FREM2: variants seen among roughly 807,000 people sequenced by gnomAD.
FREM2 encodes the protein FRAS1 related extracellular matrix 2.
FREM2 carries 119 observed loss-of-function variants against 219.9 expected under a neutral mutation model. The ratio of observed to expected loss-of-function variants is 0.54; its 90% CI spans 0.47 to 0.63. FREM2 has a LOEUF of 0.63. Among genes scored for constraint, FREM2 ranks in the 30% least tolerant of loss-of-function variants. The probability of loss-of-function intolerance (pLI) is 0.00; values close to 1 mark genes in which losing one functional copy is unlikely to be tolerated. For synonymous variants in FREM2, 1,562 were observed against 1,522.8 expected, an observed-to-expected ratio of 1.03 and a Z score of -0.60; for missense variants, 4,030 against 3,993.6, an observed-to-expected ratio of 1.01 and a Z score of -0.25.
chr13:38,876,525 C>CT, intron 20 of FREM2, 143 bp downstream of exon 20: 1 of 751,760 alleles, frequency 1.3e-6, no homozygotes. Flanking sequence ...GTTAAGGAAG[C>CT]TAGGGATAAA....
At chr13:38,742,539 C>G (rs890164998) in intron 2 of FREM2, among the ~76,000 whole-genome samples, 1 of 152,156 alleles carries the variant, frequency 6.6e-6, no homozygotes, top group African/African-American at 2.4e-5. Flanking sequence ...ATATGACGGT[C>G]TCTGATACTC....
At chr13:38,731,524 G>A (rs1871766413) in intron 2 of FREM2, among the ~76,000 whole-genome samples, 1 of 152,142 alleles carries the variant, frequency 6.6e-6, no homozygotes, top group Admixed American at 6.6e-5. Flanking sequence ...GAGAAAGCAG[G>A]ACAGTAACCA....
At chr13:38,704,947 G>A (rs1170354378) in intron 2 of FREM2, among the ~76,000 whole-genome samples, 2 of 152,066 alleles carry the variant, frequency 1.3e-5, no homozygotes, top group African/African-American at 2.4e-5. Flanking sequence ...TGGGGGAACC[G>A]CCACCATGAT....
intron 2 of FREM2, among the ~76,000 whole-genome samples, chr13:38,716,904 A>G (rs1189297111): frequency 6.6e-6 from 1 of 152,226 alleles, no homozygotes; most frequent in African/African-American, 2.4e-5. Flanking sequence ...TTTGAGTGAG[A>G]TGTCCTTTTT....
rs1015702696 is a variant in FREM2 at position 38,882,953 on chromosome 13, G to A, written c.*2166G>A. 12 of 152,286 alleles carry A rather than the reference G, an allele frequency of 7.9e-5. No individual in the cohort carries two copies. Among genetic ancestry groups the A allele is most frequent in the African/African-American group, 2.9e-4 (12 of 41,572 alleles). The allele number at this position is 152,286 out of a possible 1,614,324, so 9.4% of individuals were successfully genotyped here. ...GGTGAAGCATTACTGTACGAAGTCTGTTTTCAGGCTTTGGGTCAAGCTGGT... is the reference window on the plus strand; with the variant it reads ...GGTGAAGCATTACTGTACGAAGTCTATTTTCAGGCTTTGGGTCAAGCTGGT... On this transcript the variant is annotated 3_prime_UTR_variant, in exon 24 of 24. Transcript: ENST00000280481.
rs1253522295 is a variant in FREM2, at chr13:38,691,456, C to T, written c.4112C>T (p.Thr1371Ile). 6.2e-7 allele frequency: 1 copy of T among 1,614,072 alleles called. No homozygotes were observed. The highest frequency in any genetic ancestry group is 8.5e-7 in the Non-Finnish European group (1 of 1,180,010). ...AATATCACACTGGGCATGAATTTTA[C>T]CCAGGATGAAGTAGACAGAAACTTA... ...FENITLGMNFTQDEVDRNLIQ... is the reference protein window; with the variant it reads ...FENITLGMNFIQDEVDRNLIQ... Residue 1371 changes from threonine to isoleucine, a missense_variant, in exon 1 of 24, where the codon ACC becomes ATC. This residue lies in a region of FREM2 where 3,102 missense variants were observed against 2,950.7 expected (regional missense o/e 1.05). Transcript: ENST00000280481.
At chr13:38,766,118 G>A (rs897400722) in intron 3 of FREM2, among the ~76,000 whole-genome samples, 11 of 152,140 alleles carry the variant, frequency 7.2e-5, no homozygotes, top group Admixed American at 2.0e-4. Flanking sequence ...CTCCTGGTGA[G>A]TTTATTTAAT....
intron 2 of FREM2, among the ~76,000 whole-genome samples, chr13:38,713,259 A>G (rs1285716073): frequency 6.6e-6 from 1 of 152,208 alleles, no homozygotes; most frequent in Non-Finnish European, 1.5e-5. Flanking sequence ...TCTAATGCTC[A>G]GCTTTGCCAC....
In FREM2 at chr13:38,859,309, A is replaced by T; in HGVS notation, c.7238A>T (p.Asp2413Val). The T allele has an allele frequency of 6.2e-7, 1 of 1,614,218 alleles. No homozygotes were observed. The highest frequency in any genetic ancestry group is 8.5e-7 in the Non-Finnish European group (1 of 1,180,018). Reference sequence around the variant, plus strand: ...TAGGCTTGCAACCCCAAATATTCAGACTACGATAAAACAGGCTCTATCTGT... The same window carrying T: ...TAGGCTTGCAACCCCAAATATTCAGTCTACGATAAAACAGGCTCTATCTGT... ...CITACNPKYS[D>V]YDKTGSICAS... is the part of the protein sequence containing the mutation. Residue 2413 changes from aspartate (D) to valine (V), a missense_variant, in exon 14 of 24, where the codon GAC becomes GTC. This residue lies in a region of FREM2 where 928 missense variants were observed against 1,042.9 expected (regional missense o/e 0.89). Coordinates refer to ENST00000280481, the MANE Select transcript of FREM2 (RefSeq NM_207361.6).
intron 6 of FREM2, among the ~76,000 whole-genome samples, chr13:38,793,625 G>A (rs1874652668): frequency 6.6e-6 from 1 of 152,164 alleles, no homozygotes; most frequent in Non-Finnish European, 1.5e-5. Flanking sequence ...AAAGGTTTTA[G>A]GTAAAATGAC....
chr13:38,708,915 A>G (rs1870648193), intron 2 of FREM2, among the ~76,000 whole-genome samples: 1 of 152,026 alleles, frequency 6.6e-6, no homozygotes, highest in Non-Finnish European at 1.5e-5. Flanking sequence ...GCCCGCCATG[A>G]CGCCCAGATA....
chr13:38,783,674 T>C (rs1874212188), intron 5 of FREM2, among the ~76,000 whole-genome samples: 1 of 152,242 alleles, frequency 6.6e-6, no homozygotes, highest in African/African-American at 2.4e-5. Flanking sequence ...AACACCTTTC[T>C]AGGAAATAAG....
At chr13:38,700,076 A>G (rs1033411597) in intron 2 of FREM2, among the ~76,000 whole-genome samples, 11 of 152,116 alleles carry the variant, frequency 7.2e-5, no homozygotes, top group African/African-American at 2.7e-4. Flanking sequence ...AACGTGATTG[A>G]TTTTATAACA....
In FREM2 at chr13:38,852,581, C is replaced by A. The variant is rs554846762; in HGVS notation, c.6925+713C>A. ...TCTAAACCAAAAAATTTTGTGTTAA[C>A]AAAGGACAGTAAAAGTATAGTGAAA... On this transcript the variant is annotated intron_variant, in intron 11 of 23. Coordinates refer to ENST00000280481, the MANE Select transcript of FREM2 (RefSeq NM_207361.6). Among the ~76,000 whole-genome samples, 573 of 151,834 alleles carry A rather than the reference C, an allele frequency of 3.8e-3. 2 individuals carry two copies. The highest frequency in any genetic ancestry group is 6.7e-3 in the Non-Finnish European group (458 of 67,946).
Position 38,687,364 on chromosome 13 carries a change from C to A in FREM2, c.20C>A (p.Pro7His), listed in dbSNP as rs1316814853. The A allele has an allele frequency of 6.2e-7, 1 of 1,607,692 alleles. No homozygotes were observed. The highest frequency in any genetic ancestry group is 2.2e-5 in the East Asian group (1 of 44,582). MHSAGT[P>H]GLSSRRTGNS... Reference sequence around the variant, plus strand: ...GGGACCATGCACTCAGCCGGGACTCCCGGGTTATCCTCGCGCCGGACAGGC... The same window carrying A: ...GGGACCATGCACTCAGCCGGGACTCACGGGTTATCCTCGCGCCGGACAGGC... Residue 7 changes from proline to histidine, a missense_variant, in exon 1 of 24, where the codon CCC (proline) becomes CAC (histidine). Pro to His is a moderately conservative substitution (Grantham distance 77). Coordinates refer to ENST00000280481, the MANE Select transcript of FREM2 (RefSeq NM_207361.6).
intron 2 of FREM2, among the ~76,000 whole-genome samples, chr13:38,756,524 C>CT (rs1187227144): frequency 0.016 from 1,663 of 103,526 alleles, 28 homozygotes; most frequent in Non-Finnish European, 0.023. Context: ...GGTTGGGGAC[C>CT]TTTTTTTTTT....
rs774561102 is a variant in FREM2, at chr13:38,691,770, G to T, written c.4426G>T (p.Gly1476Cys). 6 of 1,613,976 alleles carry T rather than the reference G, an allele frequency of 3.7e-6. No individual in the cohort carries two copies. In the Admixed American group the frequency reaches 6.7e-5, roughly 18 times the overall value. The change falls in exon 1 of 24, where the codon GGT becomes TGT. Residue 1476 changes from glycine (G) to cysteine (C), a missense_variant. Physicochemically the swap from Gly to Cys is radical, Grantham distance 159. This residue lies in a region of FREM2 where 3,102 missense variants were observed against 2,950.7 expected (regional missense o/e 1.05). Coordinates refer to ENST00000280481, the MANE Select transcript of FREM2 (RefSeq NM_207361.6). ...RGHLECTDQP[G>C]VSITSFTQLQ... ...TCACCTGGAATGCACGGATCAGCCT[G>T]GTGTGTCCATCACGTCTTTCACTCA...
At chr13:38,801,974 G>A (rs1299411619) in intron 6 of FREM2, among the ~76,000 whole-genome samples, 1 of 152,138 alleles carries the variant, frequency 6.6e-6, no homozygotes, top group Non-Finnish European at 1.5e-5. Flanking sequence ...GTCATCTGTG[G>A]TGATATCGGC....
At chr13:38,825,940 A>G (rs1235591936) in intron 6 of FREM2, among the ~76,000 whole-genome samples, 3 of 152,270 alleles carry the variant, frequency 2.0e-5, no homozygotes, top group East Asian at 3.9e-4. Flanking sequence ...TGATTAAACA[A>G]GTTGTTCTCT....
Sources: gnomAD v4.1 joint callset for allele counts (sites outside exome capture counted in the v4.1 genomes callset) on GRCh38, gnomAD v4.1.1 for gene constraint, gnomAD v4.1.1 regional missense constraint, MANE v1.5 for transcripts, NCBI Gene and HGNC (gene_info 2026-07-23, HGNC 2026-07-21) for gene names.